SLC25A48: variants seen among roughly 807,000 people sequenced by gnomAD.
SLC25A48 encodes solute carrier family 25 member 48.
Under a neutral mutation model 32.2 loss-of-function variants are expected in SLC25A48, and 29 were observed. The ratio of observed to expected loss-of-function variants is 0.90; its 90% CI spans 0.67 to 1.23. SLC25A48 has a LOEUF of 1.23. SLC25A48 is among the 50% of genes most tolerant of loss of function. The probability of loss-of-function intolerance (pLI) is 0.00; values close to 1 mark genes in which losing one functional copy is unlikely to be tolerated. For synonymous variants in SLC25A48, 164 were observed against 172.3 expected (o/e 0.95, Z 0.38); for missense variants, 399 against 422.7 (o/e 0.94, Z 0.49).
chr5:135,635,885 G>A (rs563622424), intron 3 of SLC25A48, among the ~76,000 whole-genome samples: 42 of 152,226 alleles, frequency 2.8e-4, no homozygotes, highest in Non-Finnish European at 4.4e-4. Context: ...TCTGTCTGAC[G>A]TCTGTCAGAT....
chr5:135,811,867 A>G (rs535762289), intron 3 of SLC25A48, among the ~76,000 whole-genome samples: 1 of 152,284 alleles, frequency 6.6e-6, no homozygotes, highest in South Asian at 2.1e-4. Context: ...AGATCACCTG[A>G]GGTCAGGAGT....
At chr5:135,604,059 T>C (rs917643607) in intron 1 of SLC25A48, among the ~76,000 whole-genome samples, 1 of 152,212 alleles carries the variant, frequency 6.6e-6, no homozygotes, top group South Asian at 2.1e-4. Context: ...TTGACATGAA[T>C]TGTCTCATTT....
intron 3 of SLC25A48, among the ~76,000 whole-genome samples, chr5:135,694,390 C>A (rs1397960295): frequency 6.6e-6 from 1 of 152,030 alleles, no homozygotes; most frequent in Non-Finnish European, 1.5e-5. Context: ...ATGAAACCAG[C>A]TCCCCGTTAG....
intron 1 of SLC25A48, among the ~76,000 whole-genome samples, chr5:135,593,585 C>T (rs1751576652): frequency 6.6e-6 from 1 of 152,210 alleles, no homozygotes; most frequent in Non-Finnish European, 1.5e-5. Flanking sequence ...AAGGGCTTCT[C>T]CCAGGAGGCA....
intron 4 of SLC25A48, among the ~76,000 whole-genome samples, chr5:135,817,324 T>C (rs1209322762): frequency 2.0e-5 from 3 of 152,222 alleles, no homozygotes; most frequent in Admixed American, 6.5e-5. Context: ...TGAGAAACTG[T>C]GATCCACAAT....
chr5:135,800,820 C>T (rs757691504), intron 3 of SLC25A48, among the ~76,000 whole-genome samples: 3 of 151,238 alleles, frequency 2.0e-5, no homozygotes, highest in Non-Finnish European at 4.4e-5. Context: ...CACCCCATAT[C>T]GCTGGGGAGT....
chr5:135,680,824 A>G (rs1358081163), intron 3 of SLC25A48, among the ~76,000 whole-genome samples: 4 of 152,204 alleles, frequency 2.6e-5, no homozygotes, highest in African/African-American at 9.7e-5. Context: ...AAACCATATC[A>G]AGTCATTATT....
chr5:135,771,394 G>T (rs907799149), intron 3 of SLC25A48, among the ~76,000 whole-genome samples: 1 of 151,598 alleles, frequency 6.6e-6, no homozygotes, highest in Admixed American at 6.6e-5. Context: ...CATATATCAC[G>T]GGGGGTGTTC....
intron 3 of SLC25A48, among the ~76,000 whole-genome samples, chr5:135,759,087 AAC>A (rs1413945982): frequency 6.6e-6 from 1 of 152,016 alleles, no homozygotes; most frequent in African/African-American, 2.4e-5. Context: ...ATCTAGTGTT[AAC>A]ACACAATAAT....
chr5:135,600,543 C>T (rs1022712090), intron 1 of SLC25A48, among the ~76,000 whole-genome samples: 8 of 152,178 alleles, frequency 5.3e-5, no homozygotes, highest in Admixed American at 1.3e-4. Context: ...TTGTAGTGTT[C>T]ACTTCTGTAT....
intron 3 of SLC25A48, among the ~76,000 whole-genome samples, chr5:135,799,031 T>A (rs894484622): frequency 1.3e-5 from 2 of 151,716 alleles, no homozygotes; most frequent in Admixed American, 1.3e-4. Flanking sequence ...GTTTTTAATA[T>A]CCAAGGGAAG....
chr5:135,595,880 G>T (rs555589989), intron 1 of SLC25A48, among the ~76,000 whole-genome samples: 1 of 152,084 alleles, frequency 6.6e-6, no homozygotes, highest in African/African-American at 2.4e-5. Flanking sequence ...ATTCACACAC[G>T]CATCAGTATA....
intron 3 of SLC25A48, among the ~76,000 whole-genome samples, chr5:135,756,241 G>T (rs1170145600): frequency 6.6e-6 from 1 of 150,702 alleles, no homozygotes; most frequent in Non-Finnish European, 1.5e-5. Flanking sequence ...AAGTCTACAT[G>T]GTATTTATAA....
intron 2 of SLC25A48, among the ~76,000 whole-genome samples, chr5:135,630,308 T>C (rs969409871): frequency 5.9e-5 from 9 of 152,176 alleles, no homozygotes; most frequent in Non-Finnish European, 1.0e-4. Context: ...CTTCTGCTGC[T>C]CTTTCTAAGA....
chr5:135,685,990 C>T (rs779215124), intron 3 of SLC25A48, among the ~76,000 whole-genome samples: 1 of 152,210 alleles, frequency 6.6e-6, no homozygotes, highest in Non-Finnish European at 1.5e-5. Context: ...CTCAAGGTGA[C>T]TGCTGCTGGA....
At chr5:135,797,865 G>T (rs1757226652) in intron 3 of SLC25A48, among the ~76,000 whole-genome samples, 1 of 151,546 alleles carries the variant, frequency 6.6e-6, no homozygotes, top group Non-Finnish European at 1.5e-5. Context: ...ATCGCAAAAG[G>T]TGTACACCCC....
intron 3 of SLC25A48, among the ~76,000 whole-genome samples, chr5:135,794,807 C>T (rs1202472746): frequency 6.6e-6 from 1 of 151,498 alleles, no homozygotes; most frequent in Non-Finnish European, 1.5e-5. Context: ...GTAGACACTC[C>T]CCACATAATA....
At chr5:135,632,507 G>C (rs796416188) in intron 2 of SLC25A48, among the ~76,000 whole-genome samples, 5 of 152,270 alleles carry the variant, frequency 3.3e-5, no homozygotes, top group African/African-American at 1.2e-4. Context: ...GAGAAGTCTA[G>C]TTTCTGGCCA....
At chr5:135,628,269 C>A (rs1248320012) in intron 1 of SLC25A48, among the ~76,000 whole-genome samples, 1 of 152,124 alleles carries the variant, frequency 6.6e-6, no homozygotes. Context: ...AGTAAAGACT[C>A]CAAAAACCTT....
Sources: allele counts gnomAD v4.1 joint callset (sites outside exome capture counted in the v4.1 genomes callset), GRCh38; gene constraint gnomAD v4.1.1; transcripts MANE v1.5; gene names NCBI Gene and HGNC (gene_info 2026-07-23, HGNC 2026-07-21).